The following HERC1 variants were observed in gnomAD, a reference collection of about 807,000 sequenced individuals.
HERC1 encodes HECT and RLD domain containing E3 ubiquitin protein ligase family member 1.
Under a neutral mutation model 554.3 loss-of-function variants are expected in HERC1, and 160 were observed. The observed-to-expected ratio is 0.29, with a 90% CI of 0.25 to 0.33. The LOEUF is 0.33. Ranked by LOEUF, HERC1 falls within the 10% of genes least tolerant of loss-of-function variation. HERC1 has a pLI of 1.00. For missense variants in HERC1, 4,919 were observed against 5,918.5 expected (o/e 0.83, Z 5.54); for synonymous variants, 2,175 against 2,131.7 (o/e 1.02, Z -0.56).
intron 3 of HERC1, among the ~76,000 whole-genome samples, chr15:63,762,891 G>C (rs890036434): frequency 1.3e-5 from 2 of 152,170 alleles, no homozygotes; most frequent in African/African-American, 4.8e-5. Context: ...GTCTAGACTT[G>C]CTGGCTCCTT....
intron 74 of HERC1, among the ~76,000 whole-genome samples, chr15:63,618,553 G>A (rs1023635973): frequency 1.3e-5 from 2 of 152,044 alleles, no homozygotes; most frequent in East Asian, 3.9e-4. Context: ...GTCATTGGTA[G>A]CTTGATGGGG....
Position 63,678,284 on chromosome 15 carries a change from C to G in HERC1, c.6631G>C (p.Val2211Leu), listed in dbSNP as rs1376027235. Residue 2211 changes from valine (V) to leucine (L), a missense_variant, in exon 37 of 78, where the codon GTG becomes CTG. Val to Leu is a conservative substitution (Grantham distance 32, BLOSUM62 1). Around this residue, in one of 11 missense-constraint regions of HERC1, gnomAD observed 1,963 missense variants for 2,228.6 expected, o/e 0.88. Transcript: ENST00000443617. ...GDPICSPVAA[V>L]LAEATIQLIR... is the part of the protein sequence containing the mutation. Reference sequence around the variant, plus strand: ...AGCTGAATAGTGGCCTCAGCCAGCACTGCTGCTACTGGACTACAAATAGGG... The same window carrying G: ...AGCTGAATAGTGGCCTCAGCCAGCAGTGCTGCTACTGGACTACAAATAGGG... The G allele has an allele frequency of 1.9e-6, 3 of 1,613,612 alleles. No individual in the cohort carries two copies. The African/African-American group carries it at 4.0e-5, about 22-fold the overall frequency.
intron 1 of HERC1, among the ~76,000 whole-genome samples, chr15:63,789,722 C>G (rs954754092): frequency 5.9e-5 from 9 of 151,382 alleles, no homozygotes; most frequent in Non-Finnish European, 1.2e-4. Flanking sequence ...CACCTGAACC[C>G]GGGAGGTGGA....
At chr15:63,776,794 C>A (rs1048151649) in intron 1 of HERC1, among the ~76,000 whole-genome samples, 1 of 151,888 alleles carries the variant, frequency 6.6e-6, no homozygotes, top group Non-Finnish European at 1.5e-5. Context: ...AGTGAGATCT[C>A]GTCTCTACAT....
In HERC1 at chr15:63,693,992, A is replaced by T; in HGVS notation, c.5646T>A (p.Ser1882Arg). The change falls in exon 30 of 78, where the codon AGT (serine) becomes AGA (arginine). Residue 1882 changes from serine (S) to arginine (R), a missense_variant. Around this residue, in one of 11 missense-constraint regions of HERC1, gnomAD observed 1,121 missense variants for 1,244.0 expected, o/e 0.90. Coordinates refer to ENST00000443617, the MANE Select transcript of HERC1 (RefSeq NM_003922.4). ...GEEEEKKVDSSGETEKKDFRA... is the reference protein window; with the variant it reads ...GEEEEKKVDSRGETEKKDFRA... ...TGAAATCTTTCTTCTCAGTTTCTCC[A>T]CTGGAGTCAACTTTTTTTTCTTCTT... 4 of 1,556,110 alleles carry T rather than the reference A, an allele frequency of 2.6e-6. No homozygotes were observed. The highest frequency in any genetic ancestry group is 3.5e-6 in the Non-Finnish European group (4 of 1,149,024).
At chr15:63,721,339 A>G (rs141087130) in intron 19 of HERC1, among the ~76,000 whole-genome samples, 2 of 152,294 alleles carry the variant, frequency 1.3e-5, no homozygotes, top group Non-Finnish European at 2.9e-5. Flanking sequence ...GCCATGGCCA[A>G]CATGGCATAA....
chr15:63,646,481 C>A (rs1160674417), intron 55 of HERC1, among the ~76,000 whole-genome samples: 1 of 150,116 alleles, frequency 6.7e-6, no homozygotes, highest in African/African-American at 2.4e-5. Context: ...AAACTAGTAT[C>A]AAGCAATAGT....
chr15:63,724,261 A>G (rs1220233709), intron 18 of HERC1, among the ~76,000 whole-genome samples: 2 of 152,244 alleles, frequency 1.3e-5, no homozygotes, highest in African/African-American at 2.4e-5. Context: ...AAACACTGAC[A>G]GCAGTGGAAT....
In HERC1 at chr15:63,725,422, A is replaced by G; in HGVS notation, c.3438T>C (p.Ala1146=). Residue 1146 remains alanine (A), a synonymous_variant, in exon 18 of 78, where the codon GCT becomes GCC. Coordinates refer to ENST00000443617, the MANE Select transcript of HERC1 (RefSeq NM_003922.4). ...CACCAAGACACCGCCCAATAAGGAG[A>G]GCAATTGTTCTTTCTAGATCCACAA... The part of the protein sequence containing the change: ...VWLVDLERTI[A]LLIGRCLGGM... The G allele has an allele frequency of 1.2e-6, 2 of 1,613,630 alleles. No homozygotes were observed. The highest frequency in any genetic ancestry group is 1.7e-6 in the Non-Finnish European group (2 of 1,179,796).
chr15:63,792,769 T>A (rs1183436156), intron 1 of HERC1, among the ~76,000 whole-genome samples: 1 of 152,112 alleles, frequency 6.6e-6, no homozygotes, highest in Non-Finnish European at 1.5e-5. Context: ...GTCTTCTAAG[T>A]CAATTCAGTT....
At chr15:63,662,849 A>C (rs2070428569) in intron 44 of HERC1, 135 bp downstream of exon 44, 1 of 637,658 alleles carries the variant, frequency 1.6e-6, no homozygotes, top group South Asian at 2.0e-5. Flanking sequence ...TCATAACTTT[A>C]AATCCCCAAA....
At chr15:63,791,085 G>T (rs2076638025) in intron 1 of HERC1, among the ~76,000 whole-genome samples, 1 of 152,158 alleles carries the variant, frequency 6.6e-6, no homozygotes, top group Non-Finnish European at 1.5e-5. Flanking sequence ...AATAAAGTAG[G>T]TTTAATGGGT....
intron 38 of HERC1, among the ~76,000 whole-genome samples, 173 bp from the exon 39 acceptor site, chr15:63,672,867 G>C (rs907388377): frequency 6.6e-6 from 1 of 152,070 alleles, no homozygotes; most frequent in African/African-American, 2.4e-5. Context: ...ATACATCTTT[G>C]TATTCACTAC....
In HERC1 at chr15:63,737,349, A is replaced by G. The variant is rs549123419; in HGVS notation, c.2521-2500T>C. 3.8e-3 allele frequency among the ~76,000 whole-genome samples: 559 copies of G among 145,552 alleles called. 2 individuals are homozygous for G. The highest frequency in any genetic ancestry group is 6.6e-3 in the Non-Finnish European group (440 of 66,826). ...AAGAAGAAATCAACAAAACACTTCC[A>G]GATATATATATATCTTTTTTCCAGA... On this transcript the variant is annotated intron_variant, in intron 12 of 77. Transcript: ENST00000443617.
At chr15:63,831,839 T>A (rs1327604308) in intron 1 of HERC1, among the ~76,000 whole-genome samples, 1 of 152,218 alleles carries the variant, frequency 6.6e-6, no homozygotes, top group Non-Finnish European at 1.5e-5. Flanking sequence ...AATAAGCAGA[T>A]TAAGTGACGC....
rs2074199489 is a variant in HERC1 at position 63,729,783 on chromosome 15, G to A, written c.2869-134C>T. On this transcript the variant is annotated intron_variant, in intron 14 of 77. Transcript: ENST00000443617. ...CACACCTGTAATCCCAGCACTTTGG[G>A]AGTCCGAGGCAGGTACATCACCTGA... 6.4e-6 allele frequency: 5 copies of A among 776,814 alleles called. No homozygotes were observed. In the South Asian group the frequency reaches 8.8e-5, roughly 14 times the overall value. 48.1% of individuals were successfully genotyped at this position (776,814 alleles called of 1,614,324 possible). A position where few individuals can be genotyped will look rare whatever the true frequency, so the allele number is the denominator to read the frequency against.
intron 25 of HERC1, among the ~76,000 whole-genome samples, chr15:63,704,219 A>G (rs998612067): frequency 1.3e-5 from 2 of 152,238 alleles, no homozygotes; most frequent in Admixed American, 1.3e-4. Flanking sequence ...AATCTCTTTG[A>G]AAATATAATC....
chr15:63,680,765 C>T lies in HERC1; in HGVS notation c.6237G>A (p.Val2079=), dbSNP rs569024572. The T allele has an allele frequency of 1.2e-6, 2 of 1,610,476 alleles. No homozygotes were observed. The highest frequency in any genetic ancestry group is 1.7e-6 in the Non-Finnish European group (2 of 1,176,794). ...SGCYQWKFYI[V]KENRGNEGTC... is the part of the protein sequence containing the mutation. ...TGCCTTCATTACCTCTGTTTTCCTT[C>T]ACAATATAAAACTAAAATAAAAGTG... The change falls in exon 35 of 78, where the codon GTG becomes GTA. Residue 2079 remains valine (V), a synonymous_variant. Transcript: ENST00000443617. The surrounding 1 kb of genome is among the most constrained non-coding windows in gnomAD (Gnocchi z 5.8).
intron 25 of HERC1, among the ~76,000 whole-genome samples, chr15:63,701,508 T>C (rs1413960396): frequency 1.3e-5 from 2 of 152,202 alleles, no homozygotes; most frequent in Non-Finnish European, 2.9e-5. Flanking sequence ...AAGGTCTCTG[T>C]GACAACTACA....
Sources: allele counts gnomAD v4.1 joint callset (sites outside exome capture counted in the v4.1 genomes callset), GRCh38; gene constraint gnomAD v4.1.1; regional missense constraint gnomAD v4.1.1; non-coding constraint Gnocchi (gnomAD v3.1); transcripts MANE v1.5; gene names NCBI Gene and HGNC (gene_info 2026-07-23, HGNC 2026-07-21).